Variants in ATP2A3 observed in about 807,000 individuals in gnomAD.
ATP2A3 encodes the protein sarcoplasmic/endoplasmic reticulum calcium ATPase 3.
A neutral mutation model predicts 106.8 loss-of-function variants in ATP2A3; 61 were observed. That is an observed-to-expected ratio of 0.57 (90% CI 0.46 to 0.71). The LOEUF is 0.71. Among genes scored for constraint, ATP2A3 ranks in the 30% least tolerant of loss-of-function variants. The pLI, the probability that ATP2A3 is intolerant of heterozygous loss-of-function variation, is 0.00. For missense variants in ATP2A3, 1,201 were observed against 1,423.5 expected (o/e 0.84, Z 2.52); for synonymous variants, 611 against 609.3 (o/e 1.00, Z -0.04).
chr17:3,949,090 T>G (rs925334592), intron 7 of ATP2A3, among the ~76,000 whole-genome samples: 2 of 137,562 alleles, frequency 1.5e-5, no homozygotes, highest in Admixed American at 1.6e-4. Context: ...ATTGTGCCAC[T>G]GCACTCCAGC....
At position 3,953,672 on chromosome 17, in the gene ATP2A3, C is replaced by G; in HGVS notation, c.136+21G>C. The G allele has an allele frequency of 6.4e-7, 1 of 1,561,674 alleles. No homozygotes were observed. Among genetic ancestry groups the G allele is most frequent in the South Asian group, 1.2e-5 (1 of 84,784 alleles). ...GGGATGCTGCCCGCGGCCTAGAGGT[C>G]CATCCCGGTGCCAGCCTCACCTTCC... On this transcript the variant is annotated intron_variant, in intron 2 of 20. Transcript: ENST00000397041. The surrounding 1 kb of genome is among the most constrained non-coding windows in gnomAD (Gnocchi z 5.1).
Position 3,941,179 on chromosome 17 carries a change from G to A in ATP2A3, c.1892C>T (p.Thr631Ile). ...AAGCCTGCGGCAGATGGCCACGGCA[G>A]TGCCTTTGTTATCCCCCGTGATCAT... ...VVMITGDNKGTAVAICRRLGI... is the reference protein window; with the variant it reads ...VVMITGDNKGIAVAICRRLGI... Residue 631 changes from threonine (T) to isoleucine (I), a missense_variant, in exon 14 of 21, where the codon ACT becomes ATT. Physicochemically the swap from Thr to Ile is moderately conservative, Grantham distance 89 (BLOSUM62 -1). Around this residue, in one of 2 missense-constraint regions of ATP2A3, gnomAD observed 935 missense variants for 1,176.7 expected, o/e 0.79. Coordinates refer to ENST00000397041, the MANE Select transcript of ATP2A3 (RefSeq NM_005173.4). 1 of 1,614,152 alleles carries A rather than the reference G, an allele frequency of 6.2e-7. No individual in the cohort carries two copies. Among genetic ancestry groups the A allele is most frequent in the East Asian group, 2.2e-5 (1 of 44,888 alleles).
intron 1 of ATP2A3, among the ~76,000 whole-genome samples, chr17:3,958,793 C>CACAT (rs1431974303): frequency 0.092 from 13,041 of 141,424 alleles, 1,573 homozygotes; most frequent in African/African-American, 0.16. Flanking sequence ...TATATATACA[C>CACAT]ATATATATAC....
Position 3,925,265 on chromosome 17 carries a change from C to T in ATP2A3, c.*157G>A. The T allele has an allele frequency of 8.0e-7, 1 of 1,253,750 alleles. No individual in the cohort carries two copies. The highest frequency in any genetic ancestry group is 1.1e-6 in the Non-Finnish European group (1 of 884,310). The allele number at this position is 1,253,750 out of a possible 1,614,324, so 77.7% of individuals were successfully genotyped here. On this transcript the variant is annotated 3_prime_UTR_variant, in exon 21 of 21. Transcript: ENST00000397041. This position sits in a 1 kb window ranked among gnomAD's most constrained non-coding sequence, Gnocchi z 4.2. The stretch of plus-strand genomic sequence containing the variant: ...TGGGGACAGAGACCCCAGGACGGGG[C>T]CCGGGGATGGCCATTCTGACCTCGG...
Position 3,925,043 on chromosome 17 carries a change from C to T in ATP2A3, c.*379G>A, listed in dbSNP as rs183599740. On this transcript the variant is annotated 3_prime_UTR_variant, in exon 21 of 21. Transcript: ENST00000397041. This position sits in a 1 kb window ranked among gnomAD's most constrained non-coding sequence, Gnocchi z 4.2. The stretch of plus-strand genomic sequence containing the variant: ...AGTCACCAAGTGAACGTCCAGCTTC[C>T]GAACAAGGGGGAGCAAGCTCCAGCT... The T allele has an allele frequency of 2.0e-4, 86 of 436,284 alleles. No homozygotes were observed. The highest frequency in any genetic ancestry group is 3.0e-4 in the Non-Finnish European group (69 of 232,720). The allele number at this position is 436,284 out of a possible 1,614,324, so 27.0% of individuals were successfully genotyped here. A position where few individuals can be genotyped will look rare whatever the true frequency, so the allele number is the denominator to read the frequency against.
Position 3,936,299 on chromosome 17 carries a change from C to A in ATP2A3, c.2492G>T (p.Gly831Val). The A allele has an allele frequency of 6.2e-7, 1 of 1,614,048 alleles. No homozygotes were observed. Residue 831 changes from glycine (G) to valine (V), a missense_variant, in exon 16 of 21, where the codon GGC becomes GTC. Gly to Val is a moderately radical substitution (Grantham distance 109). Coordinates refer to ENST00000397041, the MANE Select transcript of ATP2A3 (RefSeq NM_005173.4). This position sits in a 1 kb window ranked among gnomAD's most constrained non-coding sequence, Gnocchi z 5.4. ...AGCCAGGTATCGGAAGAAGAGCCAG[C>A]CACTGATGAGGGCTTCTCGGGGGCT... Reference protein sequence around the residue: ...PRSPREALISGWLFFRYLAIG... With the variant: ...PRSPREALISVWLFFRYLAIG...
chr17:3,952,286 C>T (rs772476211), intron 3 of ATP2A3, among the ~76,000 whole-genome samples: 22 of 152,282 alleles, frequency 1.4e-4, no homozygotes, highest in South Asian at 6.2e-4. Context: ...GGTTTTACCA[C>T]GTTGCCCAGG....
In ATP2A3 at chr17:3,951,601, C is replaced by T. The variant is rs752591374; in HGVS notation, c.304G>A (p.Ala102Thr). Residue 102 changes from alanine (A) to threonine (T), a missense_variant, in exon 4 of 21, where the codon GCC becomes ACC. Transcript: ENST00000397041. ...CCCACCTGCCACACGCCCACAATGGCGTTGGCCACGAGGATCAGCATGATG... is the reference window on the plus strand; with the variant it reads ...CCCACCTGCCACACGCCCACAATGGTGTTGGCCACGAGGATCAGCATGATG... ...LVIMLILVANAIVGVWQERNA... is the reference protein window; with the variant it reads ...LVIMLILVANTIVGVWQERNA... The T allele has an allele frequency of 1.0e-5, 16 of 1,524,974 alleles. No homozygotes were observed. Among genetic ancestry groups the T allele is most frequent in the Middle Eastern group, 1.8e-4 (1 of 5,690 alleles). The allele number at this position is 1,524,974 out of a possible 1,614,324, so 94.5% of individuals were successfully genotyped here.
intron 12 of ATP2A3, 131 bp from the exon 13 acceptor site, chr17:3,941,785 A>G (rs1396934613): frequency 1.1e-6 from 1 of 920,598 alleles, no homozygotes. Context: ...CAAGGCAGGG[A>G]GCAGAATCCA....
In ATP2A3 at chr17:3,925,329, G is replaced by A. The variant is rs970596814; in HGVS notation, c.*93C>T. 16 of 1,607,598 alleles carry A rather than the reference G, an allele frequency of 1.0e-5. No individual in the cohort carries two copies. In the African/African-American group the frequency reaches 1.1e-4, roughly 11 times the overall value. On this transcript the variant is annotated 3_prime_UTR_variant, in exon 21 of 21. Coordinates refer to ENST00000397041, the MANE Select transcript of ATP2A3 (RefSeq NM_005173.4). This position sits in a 1 kb window ranked among gnomAD's most constrained non-coding sequence, Gnocchi z 4.2. ...CCGGCGGGACCCGGTGGGCAAGTGG[G>A]CGAGTGTGGTGGCAAGGGTGGGGGG...
In ATP2A3 at chr17:3,937,413, C is replaced by A. The variant is rs1209604891; in HGVS notation, c.2321+3G>T. The A allele has an allele frequency of 2.5e-6, 4 of 1,612,438 alleles. No homozygotes were observed. Among genetic ancestry groups the A allele is most frequent in the Non-Finnish European group, 3.4e-6 (4 of 1,178,968 alleles). On this transcript the variant is annotated splice_donor_region_variant and intron_variant, in intron 15 of 20. Coordinates refer to ENST00000397041, the MANE Select transcript of ATP2A3 (RefSeq NM_005173.4). ...GCTGAGAGGAGGGAAGGCCCGGCCTCACCAGACGACCTCGCCAACATTGGA... is the reference window on the plus strand; with the variant it reads ...GCTGAGAGGAGGGAAGGCCCGGCCTAACCAGACGACCTCGCCAACATTGGA...
At chr17:3,952,209 C>T (rs538741393) in intron 3 of ATP2A3, among the ~76,000 whole-genome samples, 11 of 151,814 alleles carry the variant, frequency 7.2e-5, no homozygotes, top group South Asian at 6.2e-4. Flanking sequence ...CTCAGCCTCC[C>T]GGGTAGATGG....
chr17:3,946,484 G>A (rs2054126659), intron 8 of ATP2A3, among the ~76,000 whole-genome samples: 1 of 152,030 alleles, frequency 6.6e-6, no homozygotes, highest in South Asian at 2.1e-4. Flanking sequence ...GAACCTGGGA[G>A]GCAGAGGTTG....
intron 17 of ATP2A3, among the ~76,000 whole-genome samples, chr17:3,934,175 C>T (rs7219971): frequency 0.15 from 22,985 of 151,946 alleles, 1,920 homozygotes; most frequent in African/African-American, 0.2. Flanking sequence ...CCGCCCACCT[C>T]GGCTTCCCAA....
chr17:3,962,267 T>A (rs1224384783), intron 1 of ATP2A3, among the ~76,000 whole-genome samples: 2 of 152,206 alleles, frequency 1.3e-5, no homozygotes, highest in Admixed American at 6.5e-5. Flanking sequence ...CACCACCTAC[T>A]ATGTGACCTC....
At chr17:3,938,622 T>C (rs1270809419) in intron 14 of ATP2A3, among the ~76,000 whole-genome samples, 3 of 150,666 alleles carry the variant, frequency 2.0e-5, no homozygotes, top group Non-Finnish European at 4.4e-5. Context: ...CTCGGCTCAC[T>C]GCAACCTCCT....
intron 4 of ATP2A3, 35 bp downstream of exon 4, chr17:3,951,546 G>GCCCCCCCCCCCGTCCCCC: frequency 1.5e-6 from 2 of 1,319,570 alleles, no homozygotes; most frequent in South Asian, 1.3e-5. Flanking sequence ...CTGGGAGACC[G>GCCCCCCCCCCCGTCCCCC]CCCCCCGCCC....
In ATP2A3 at chr17:3,944,797, C is replaced by A; in HGVS notation, c.1194G>T (p.Gly398=). The A allele has an allele frequency of 1.9e-6, 3 of 1,610,542 alleles. No homozygotes were observed. Among genetic ancestry groups the A allele is most frequent in the Non-Finnish European group, 2.5e-6 (3 of 1,178,584 alleles). The change falls in exon 10 of 21, where the codon GGG becomes GGT. Residue 398 remains glycine, a synonymous_variant. Coordinates refer to ENST00000397041, the MANE Select transcript of ATP2A3 (RefSeq NM_005173.4). ...TYTPEGEVRQ[G]DQPVRCGQFD... ...ACTGGCCGCAGCGCACAGGCTGATC[C>A]CCCTGCCGCCTGCGGAGCCGGGGCG...
chr17:3,963,191 C>T (rs1224416562), intron 1 of ATP2A3, among the ~76,000 whole-genome samples: 1 of 152,228 alleles, frequency 6.6e-6, no homozygotes, highest in Non-Finnish European at 1.5e-5. Context: ...ACCTTCCCCT[C>T]TGGCTGGCTG....
Sources: gnomAD v4.1 joint callset for allele counts (sites outside exome capture counted in the v4.1 genomes callset) on GRCh38, gnomAD v4.1.1 for gene constraint, gnomAD v4.1.1 regional missense constraint, Gnocchi (gnomAD v3.1) non-coding constraint, MANE v1.5 for transcripts, NCBI Gene and HGNC (gene_info 2026-07-23, HGNC 2026-07-21) for gene names.